Variants in ASIC2 observed in about 807,000 individuals in gnomAD.
The protein encoded by ASIC2 is acid sensing ion channel subunit 2, also known as acid-sensing ion channel 2.
Under a neutral mutation model 57.3 loss-of-function variants are expected in ASIC2, and 25 were observed. The ratio of observed to expected loss-of-function variants is 0.44; its 90% confidence interval spans 0.32 to 0.61. The LOEUF (loss-of-function observed/expected upper bound fraction) is 0.61. ASIC2 is among the 20% of genes least tolerant of loss of function. The pLI is 0.06. For missense variants in ASIC2, 641 were observed against 738.1 expected (o/e 0.87, Z 1.52); for synonymous variants, 319 against 307.5 (o/e 1.04, Z -0.39).
chr17:34,132,297 G>C (rs1216534079), intron 1 of ASIC2, among the ~76,000 whole-genome samples: 3 of 152,118 alleles, frequency 2.0e-5, no homozygotes, highest in Non-Finnish European at 2.9e-5. Context: ...AGGTTGCGCA[G>C]ACCCAAAGAG....
At chr17:33,447,912 C>CAAAAAAAAAAAAA (rs34092157) in intron 1 of ASIC2, among the ~76,000 whole-genome samples, 1 of 73,082 alleles carries the variant, frequency 1.4e-5, no homozygotes, top group Non-Finnish European at 2.9e-5. Flanking sequence ...GACTCAGTCT[C>CAAAAAAAAAAAAA]AAAAAAAAAA....
chr17:33,370,132 T>G (rs1241140657), intron 1 of ASIC2, among the ~76,000 whole-genome samples: 3 of 152,136 alleles, frequency 2.0e-5, no homozygotes, highest in Non-Finnish European at 4.4e-5. Flanking sequence ...ACAGCCACCT[T>G]AGGGACAGGC....
intron 1 of ASIC2, among the ~76,000 whole-genome samples, chr17:33,136,827 G>T (rs1408376149): frequency 6.6e-6 from 1 of 152,184 alleles, no homozygotes; most frequent in Non-Finnish European, 1.5e-5. Flanking sequence ...ACAGCACATG[G>T]ATTCTATTCC....
intron 1 of ASIC2, among the ~76,000 whole-genome samples, chr17:33,326,731 A>C (rs1266622228): frequency 6.6e-6 from 1 of 152,214 alleles, no homozygotes; most frequent in African/African-American, 2.4e-5. Flanking sequence ...ATTCGTATTC[A>C]ATTAGGACTT....
intron 1 of ASIC2, among the ~76,000 whole-genome samples, chr17:33,640,003 T>C (rs1906505283): frequency 6.6e-6 from 1 of 152,130 alleles, no homozygotes; most frequent in Non-Finnish European, 1.5e-5. Context: ...TACCAGTGTA[T>C]GAATATTCCT....
chr17:33,460,837 G>A (rs572390086), intron 1 of ASIC2, among the ~76,000 whole-genome samples: 196 of 152,228 alleles, frequency 1.3e-3, no homozygotes, highest in Non-Finnish European at 2.2e-3. Flanking sequence ...GCAGAGCCAG[G>A]ATTCAATCTG....
At chr17:34,038,476 T>C in intron 1 of ASIC2, 1 of 1,612,230 alleles carries the variant, frequency 6.2e-7, no homozygotes, top group South Asian at 1.1e-5. Flanking sequence ...TTTTCACAGC[T>C]ACGTATCTTT....
intron 1 of ASIC2, among the ~76,000 whole-genome samples, chr17:33,661,065 A>G (rs1038932736): frequency 3.3e-5 from 5 of 151,502 alleles, no homozygotes; most frequent in African/African-American, 1.2e-4. Context: ...ACTCTGTTTG[A>G]CCCAGCTCCC....
intron 1 of ASIC2, among the ~76,000 whole-genome samples, chr17:33,858,411 G>A (rs1914017716): frequency 6.6e-6 from 1 of 152,174 alleles, no homozygotes; most frequent in African/African-American, 2.4e-5. Context: ...GCTAATGAAG[G>A]GCTCTGTGCT....
chr17:33,362,540 C>T (rs908825819), intron 1 of ASIC2, among the ~76,000 whole-genome samples: 7 of 152,210 alleles, frequency 4.6e-5, no homozygotes, highest in Non-Finnish European at 7.3e-5. Context: ...TGGATCAAAG[C>T]AGAGATCTTG....
chr17:33,213,499 G>A (rs1597633007), intron 1 of ASIC2, among the ~76,000 whole-genome samples: 2 of 152,304 alleles, frequency 1.3e-5, no homozygotes, highest in Non-Finnish European at 2.9e-5. Context: ...ATGAGACAAG[G>A]CCTGGGAGTG....
At chr17:33,196,402 C>T (rs1266003001) in intron 1 of ASIC2, among the ~76,000 whole-genome samples, 5 of 152,180 alleles carry the variant, frequency 3.3e-5, no homozygotes, top group Non-Finnish European at 7.3e-5. Flanking sequence ...CAGCCTCCTT[C>T]GGCCACCAAG....
chr17:34,030,927 C>T (rs556010600), intron 1 of ASIC2, among the ~76,000 whole-genome samples: 3 of 152,382 alleles, frequency 2.0e-5, no homozygotes, highest in South Asian at 4.1e-4. Context: ...TAGGCTCCAC[C>T]TCTGGGTGCA....
At chr17:33,112,120 G>C in intron 1 of ASIC2, 53 bp from the exon 2 acceptor site, 1 of 1,542,962 alleles carries the variant, frequency 6.5e-7, no homozygotes, top group Non-Finnish European at 8.7e-7. Context: ...CTTCAGACGG[G>C]GGTCCAGAGA....
intron 1 of ASIC2, among the ~76,000 whole-genome samples, chr17:33,203,309 C>A (rs1264888230): frequency 1.3e-5 from 2 of 152,170 alleles, no homozygotes; most frequent in African/African-American, 4.8e-5. Flanking sequence ...TGTGCTTTTT[C>A]AAAGCTTATT....
chr17:33,205,246 G>T (rs1345744662), intron 1 of ASIC2, among the ~76,000 whole-genome samples: 1 of 152,172 alleles, frequency 6.6e-6, no homozygotes, highest in Non-Finnish European at 1.5e-5. Context: ...GCCACCCTGT[G>T]TGCCCCTTGC....
intron 1 of ASIC2, among the ~76,000 whole-genome samples, chr17:33,719,299 G>A (rs571396700): frequency 3.9e-5 from 6 of 152,164 alleles, no homozygotes; most frequent in Non-Finnish European, 7.3e-5. Flanking sequence ...GACCAGGAGT[G>A]CAAGGGAGAG....
rs116745488 is a variant in ASIC2, at chr17:33,428,208, G to A, written c.556-316141C>T. Among the ~76,000 whole-genome samples the A allele has an allele frequency of 5.4e-3, 822 of 152,210 alleles. 13 individuals are homozygous for A. Among genetic ancestry groups the A allele is most frequent in the African/African-American group, 0.018 (750 of 41,538 alleles). On this transcript the variant is annotated intron_variant, in intron 1 of 9. Transcript: ENST00000359872. ...TTAAGTCATTTTTTTGGAGTAATTT[G>A]CTATATAGTATTAGATAACCAATGC...
intron 1 of ASIC2, among the ~76,000 whole-genome samples, chr17:33,171,867 ACCTTGTTCCGTCTG>A (rs1905533598): frequency 6.6e-6 from 1 of 152,084 alleles, no homozygotes; most frequent in Non-Finnish European, 1.5e-5. Flanking sequence ...GCCTTTGCAA[ACCTTGTTCCGTCTG>A]CCTGGAAAGC....
Sources: gnomAD v4.1 joint callset for allele counts (sites outside exome capture counted in the v4.1 genomes callset) on GRCh38, gnomAD v4.1.1 for gene constraint, MANE v1.5 for transcripts, NCBI Gene and HGNC (gene_info 2026-07-23, HGNC 2026-07-21) for gene names.